The following SNX25 variants were observed in gnomAD, a reference collection of about 807,000 sequenced individuals.
SNX25 encodes sorting nexin-25.
Under a neutral mutation model 113.7 loss-of-function variants are expected in SNX25, and 62 were observed. That is an observed-to-expected ratio of 0.55 (90% confidence interval 0.44 to 0.67). The LOEUF is 0.67. Ranked by LOEUF, SNX25 falls within the 30% of genes least tolerant of loss-of-function variation. SNX25 has a pLI of 0.00. For synonymous variants in SNX25, 421 were observed against 436.2 expected, an observed-to-expected ratio of 0.97 and a Z score of 0.43; for missense variants, 1,014 against 1,161.0, an observed-to-expected ratio of 0.87 and a Z score of 1.84.
chr4:185,335,793 G>A lies in SNX25; in HGVS notation c.1914+3034G>A, dbSNP rs184707363. Among the ~76,000 whole-genome samples, 10 of 152,308 alleles carry A rather than the reference G, an allele frequency of 6.6e-5. No individual in the cohort carries two copies. The East Asian group carries it at 1.9e-3, about 29-fold the overall frequency. ...GATGAGTAAATGCATGGTGCTGTGCGAGTCACTGTGAAGAATCAGTGTAAC... is the reference window on the plus strand; with the variant it reads ...GATGAGTAAATGCATGGTGCTGTGCAAGTCACTGTGAAGAATCAGTGTAAC... On this transcript the variant is annotated intron_variant, in intron 10 of 18. Coordinates refer to ENST00000652585, the MANE Select transcript of SNX25 (RefSeq NM_001378034.2).
At chr4:185,242,777 G>T (rs1276848913) in intron 1 of SNX25, among the ~76,000 whole-genome samples, 1 of 152,138 alleles carries the variant, frequency 6.6e-6, no homozygotes, top group African/African-American at 2.4e-5. Context: ...TAGAAGGAGG[G>T]CAGAAAAAGG....
At position 185,264,299 on chromosome 4, in the gene SNX25, G is replaced by A. The variant is rs1483378522; in HGVS notation, c.732-139G>A. ...CAAAAGTTTTCCAGATGAGTTGATG[G>A]TTGAGGAAATTTGATTATTTAGGAG... is the stretch of plus-strand genomic sequence containing the variant. On this transcript the variant is annotated intron_variant, in intron 3 of 18. Transcript: ENST00000652585. 3.7e-6 allele frequency: 3 copies of A among 812,876 alleles called. No homozygotes were observed. In the Admixed American group the frequency reaches 8.5e-5, roughly 23 times the overall value. The allele number at this position is 812,876 out of a possible 1,614,324, so 50.4% of individuals were successfully genotyped here.
chr4:185,293,500 G>T (rs55675945), intron 6 of SNX25, among the ~76,000 whole-genome samples: 3,012 of 152,230 alleles, frequency 0.02, 32 homozygotes, highest in Middle Eastern at 0.044. Context: ...ATGCAATAGG[G>T]CACATATTGC....
In SNX25 at chr4:185,328,755, G is replaced by A. The variant is rs113498395; in HGVS notation, c.1750-3840G>A. Among the ~76,000 whole-genome samples the A allele has an allele frequency of 6.6e-5, 10 of 152,280 alleles. 1 individual carries two copies. Among genetic ancestry groups the A allele is most frequent in the African/African-American group, 1.9e-4 (8 of 41,556 alleles). On this transcript the variant is annotated intron_variant, in intron 9 of 18. Coordinates refer to ENST00000652585, the MANE Select transcript of SNX25 (RefSeq NM_001378034.2). Reference sequence around the variant, plus strand: ...CAAACATGGAGAAAGGGACATGAACGCGAGCAGTGCCTTTAGCCCCAGGCG... The same window carrying A: ...CAAACATGGAGAAAGGGACATGAACACGAGCAGTGCCTTTAGCCCCAGGCG...
chr4:185,267,406 C>T (rs1748270804), intron 5 of SNX25, among the ~76,000 whole-genome samples: 3 of 152,132 alleles, frequency 2.0e-5, no homozygotes, highest in African/African-American at 7.2e-5. Context: ...TCCCCACCGC[C>T]CCCACCCCCA....
chr4:185,280,437 A>G (rs76292655), intron 5 of SNX25, among the ~76,000 whole-genome samples: 2,397 of 152,344 alleles, frequency 0.016, 72 homozygotes, highest in African/African-American at 0.055. Context: ...AAAACAAAAA[A>G]ATTATGTTTG....
At chr4:185,260,725 A>G (rs1747179130) in intron 3 of SNX25, among the ~76,000 whole-genome samples, 1 of 152,164 alleles carries the variant, frequency 6.6e-6, no homozygotes, top group Non-Finnish European at 1.5e-5. Context: ...TGACCTTTTT[A>G]TTTTACTATA....
Position 185,343,016 on chromosome 4 carries a change from G to T in SNX25, c.2187+900G>T, listed in dbSNP as rs987891868. 1.3e-5 allele frequency among the ~76,000 whole-genome samples: 2 copies of T among 152,008 alleles called. 1 individual carries two copies. The highest frequency in any genetic ancestry group is 2.9e-5 in the Non-Finnish European group (2 of 67,994). ...AGCGATTCTCCTGCCTCAGCCTCCC[G>T]AGTAGCTGGGATTACAGGCATGTGC... On this transcript the variant is annotated intron_variant, in intron 12 of 18. Transcript: ENST00000652585.
intron 5 of SNX25, among the ~76,000 whole-genome samples, chr4:185,277,040 T>C (rs1749804111): frequency 6.6e-6 from 1 of 152,150 alleles, no homozygotes. Flanking sequence ...ATTTTTATTT[T>C]TCAAGAAGGA....
In SNX25 at chr4:185,356,145, G is replaced by A. The variant is rs916178480; in HGVS notation, c.2585-1526G>A. On this transcript the variant is annotated intron_variant, in intron 15 of 18. Coordinates refer to ENST00000652585, the MANE Select transcript of SNX25 (RefSeq NM_001378034.2). ...ACAAGCCTTTGGAGTAATGGGGCTC[G>A]CGTGTGTGTGTGTGTGTATCGGGGG... Among the ~76,000 whole-genome samples the A allele has an allele frequency of 2.3e-4, 35 of 151,010 alleles. 1 individual carries two copies. The highest frequency in any genetic ancestry group is 4.1e-4 in the Non-Finnish European group (28 of 67,748).
At chr4:185,220,769 T>G (rs149808309) in intron 1 of SNX25, among the ~76,000 whole-genome samples, 1 of 152,150 alleles carries the variant, frequency 6.6e-6, no homozygotes, top group East Asian at 1.9e-4. Flanking sequence ...CGTGAGCCAC[T>G]GCGCCCGGCC....
chr4:185,212,491 G>GTTTCTGTTTTTTT (rs1553980597), intron 1 of SNX25, among the ~76,000 whole-genome samples: 3 of 104,942 alleles, frequency 2.9e-5, no homozygotes, highest in African/African-American at 1.1e-4. Flanking sequence ...GTGTGTGTGT[G>GTTTCTGTTTTTTT]TTTTTTTTTT....
intron 1 of SNX25, among the ~76,000 whole-genome samples, chr4:185,229,379 G>A (rs1423811777): frequency 6.6e-6 from 1 of 152,230 alleles, no homozygotes; most frequent in East Asian, 1.9e-4. Flanking sequence ...GTGGAGTGGA[G>A]ATGAGGGTTG....
chr4:185,228,859 C>T (rs982471475), intron 1 of SNX25, among the ~76,000 whole-genome samples: 1 of 152,196 alleles, frequency 6.6e-6, no homozygotes, highest in East Asian at 1.9e-4. Flanking sequence ...TATGAGAAAG[C>T]TACTGTTATC....
intron 6 of SNX25, among the ~76,000 whole-genome samples, chr4:185,294,801 T>A (rs913909373): frequency 4.6e-5 from 7 of 152,112 alleles, no homozygotes; most frequent in Non-Finnish European, 1.0e-4. Context: ...ATAATTAAGT[T>A]ATAATTTAAG....
At chr4:185,261,713 T>C (rs375936828) in intron 3 of SNX25, among the ~76,000 whole-genome samples, 2 of 152,168 alleles carry the variant, frequency 1.3e-5, no homozygotes, top group South Asian at 2.1e-4. Context: ...TATTAGAAGC[T>C]CCTTCTCTTT....
chr4:185,340,110 A>G (rs1309678427), intron 11 of SNX25, among the ~76,000 whole-genome samples: 1 of 152,196 alleles, frequency 6.6e-6, no homozygotes, highest in Non-Finnish European at 1.5e-5. Context: ...CTGTCTGTCA[A>G]GTGGAAACCT....
chr4:185,241,550 G>C (rs867342425), intron 1 of SNX25, among the ~76,000 whole-genome samples: 9 of 146,920 alleles, frequency 6.1e-5, no homozygotes, highest in African/African-American at 2.0e-4. Context: ...AGGAGGGAGA[G>C]GGAGAGGAGG....
chr4:185,224,492 TAG>T (rs1740586753), intron 1 of SNX25, among the ~76,000 whole-genome samples: 1 of 17,920 alleles, frequency 5.6e-5, no homozygotes, highest in Non-Finnish European at 1.4e-4. Context: ...GATATATAAA[TAG>T]ATATATAAAT....
Sources: gnomAD v4.1 joint callset for allele counts (sites outside exome capture counted in the v4.1 genomes callset) on GRCh38, gnomAD v4.1.1 for gene constraint, MANE v1.5 for transcripts, NCBI Gene and HGNC (gene_info 2026-07-23, HGNC 2026-07-21) for gene names.